ING5: variants seen among roughly 807,000 people sequenced by gnomAD.
ING5 encodes the protein inhibitor of growth family member 5.
In ING5, 17 loss-of-function variants were observed where a neutral mutation model predicts 37.4. That is an observed-to-expected ratio of 0.45 (90% CI 0.31 to 0.68). ING5 has a LOEUF of 0.68. Ranked by LOEUF, ING5 falls within the 30% of genes least tolerant of loss-of-function variation. The pLI is 0.05. For missense variants in ING5, 233 were observed against 311.9 expected, an observed-to-expected ratio of 0.75 and a Z score of 1.91; for synonymous variants, 123 against 116.6, an observed-to-expected ratio of 1.06 and a Z score of -0.36.
intron 5 of ING5, chr2:241,720,244 T>C (rs1211030518): frequency 4.0e-5 from 49 of 1,231,240 alleles, no homozygotes; most frequent in Non-Finnish European, 4.9e-5. Context: ...TGGAGTTCTG[T>C]GGTGCGCGTC....
At position 241,728,515 on chromosome 2, in the gene ING5, C is replaced by A. The variant is rs991903134; in HGVS notation, c.*3484C>A. 2 of 152,722 alleles carry A rather than the reference C, an allele frequency of 1.3e-5. No individual in the cohort carries two copies. Among genetic ancestry groups the A allele is most frequent in the Admixed American group, 1.3e-4 (2 of 15,282 alleles). The allele number at this position is 152,722 out of a possible 1,614,324, so 9.5% of individuals were successfully genotyped here. A position where few individuals can be genotyped will look rare whatever the true frequency, so the allele number is the denominator to read the frequency against. On this transcript the variant is annotated 3_prime_UTR_variant, in exon 8 of 8. Transcript: ENST00000313552. ...TTGTTTTCAGTGCTGCGGTATCAGT[C>A]AGTGATCTGAGGAAATCCTGTAGGG...
upstream of ING5, among the ~76,000 whole-genome samples, chr2:241,700,701 A>G (rs923848756): frequency 7.9e-5 from 12 of 151,790 alleles, no homozygotes; most frequent in African/African-American, 2.9e-4. Context: ...ATCTCTTCTC[A>G]CTGCAACCTC....
At position 241,725,049 on chromosome 2, in the gene ING5, G is replaced by T. The variant is rs772860880; in HGVS notation, c.*18G>T. On this transcript the variant is annotated 3_prime_UTR_variant, in exon 8 of 8. Coordinates refer to ENST00000313552, the MANE Select transcript of ING5 (RefSeq NM_032329.6). The stretch of plus-strand genomic sequence containing the variant: ...AGAAGTAGGAGGAGCTGTGTGCCCG[G>T]ATCCGAGGAGCAAGTTAATCTGTCC... 1 of 1,613,126 alleles carries T rather than the reference G, an allele frequency of 6.2e-7. No homozygotes were observed. The highest frequency in any genetic ancestry group is 8.5e-7 in the Non-Finnish European group (1 of 1,179,202).
At position 241,722,434 on chromosome 2, in the gene ING5, C is replaced by A. The variant is rs1445300291; in HGVS notation, c.483-505C>A. ...TGTGGGTGAGTGCTGCGCTTCACGG[C>A]CTCCTGGGGGCCCTCTGTGCCCCCA... On this transcript the variant is annotated intron_variant, in intron 5 of 7. Transcript: ENST00000313552. 7.1e-6 allele frequency: 7 copies of A among 985,378 alleles called. No homozygotes were observed. In the East Asian group the frequency reaches 8.0e-4, roughly 112 times the overall value. The allele number at this position is 985,378 out of a possible 1,614,324, so 61.0% of individuals were successfully genotyped here.
chr2:241,702,037 G>C, upstream of ING5: 2 of 1,363,644 alleles, frequency 1.5e-6, no homozygotes, highest in South Asian at 1.6e-5. Context: ...GCCCGCCCGC[G>C]CAGACCCCGA....
intron 5 of ING5, chr2:241,722,039 C>T: frequency 1.0e-6 from 1 of 985,336 alleles, no homozygotes; most frequent in Non-Finnish European, 1.2e-6. Flanking sequence ...GGTGGGCGGT[C>T]CAGGGAGTGT....
At chr2:241,690,407 G>A (rs1238014973) in exon 2 of ING5, 3 of 389,142 alleles carry the variant, frequency 7.7e-6, no homozygotes, top group Non-Finnish European at 1.4e-5. Context: ...AGCTGCTCCC[G>A]TGACTCAGTG....
intron 4 of ING5, among the ~76,000 whole-genome samples, 153 bp from the exon 5 acceptor site, chr2:241,711,825 C>T (rs562907950): frequency 2.3e-3 from 349 of 152,198 alleles, no homozygotes; most frequent in African/African-American, 7.9e-3. Context: ...TGCTTGAGCC[C>T]GGGAGGTCAA....
intron 5 of ING5, chr2:241,722,337 G>A: frequency 1.0e-6 from 1 of 985,400 alleles, no homozygotes; most frequent in Non-Finnish European, 1.2e-6. Context: ...GGTCCCCGGG[G>A]GAGTCCTGTC....
At position 241,689,019 on chromosome 2, in the gene ING5, T is replaced by C. The variant is rs191329735; in HGVS notation, c.-773-819T>C. Among the ~76,000 whole-genome samples the C allele has an allele frequency of 4.5e-3, 688 of 152,240 alleles. 5 individuals carry two copies. Among genetic ancestry groups the C allele is most frequent in the African/African-American group, 0.016 (654 of 41,542 alleles). On this transcript the variant is annotated intron_variant, in intron 1 of 7. Transcript: ENST00000636051. ...GGTTTCACCGTGTTAGCCAGGATGG[T>C]CTCGATCTCCTGACCTCATGATCCG...
chr2:241,696,174 G>A (rs562724438), intron 2 of ING5, among the ~76,000 whole-genome samples: 9 of 151,918 alleles, frequency 5.9e-5, no homozygotes, highest in African/African-American at 1.4e-4. Context: ...GGCAGATCAC[G>A]AGGTGAGGAG....
At chr2:241,716,416 C>T (rs550846523) in intron 5 of ING5, among the ~76,000 whole-genome samples, 1 of 149,348 alleles carries the variant, frequency 6.7e-6, no homozygotes, top group Non-Finnish European at 1.5e-5. Context: ...CCTCAGCCTC[C>T]GCAGTAGCTG....
At position 241,728,537 on chromosome 2, in the gene ING5, A is replaced by C. The variant is rs1691709174; in HGVS notation, c.*3506A>C. 6.5e-6 allele frequency: 1 copy of C among 152,684 alleles called. No homozygotes were observed. The highest frequency in any genetic ancestry group is 1.5e-5 in the Non-Finnish European group (1 of 68,064). 9.5% of individuals were successfully genotyped at this position (152,684 alleles called of 1,614,324 possible). On this transcript the variant is annotated 3_prime_UTR_variant, in exon 8 of 8. Coordinates refer to ENST00000313552, the MANE Select transcript of ING5 (RefSeq NM_032329.6). Reference sequence around the variant, plus strand: ...AGTCAGTGATCTGAGGAAATCCTGTAGGGGAAGGCAGGCTGCAGTGAAAAC... The same window carrying C: ...AGTCAGTGATCTGAGGAAATCCTGTCGGGGAAGGCAGGCTGCAGTGAAAAC...
intron 5 of ING5, chr2:241,720,178 G>A: frequency 9.7e-6 from 12 of 1,235,054 alleles, no homozygotes; most frequent in Non-Finnish European, 1.2e-5. Flanking sequence ...GTGCACTCGG[G>A]TGCCTCCAAG....
chr2:241,710,907 C>G (rs1192159363), intron 3 of ING5, among the ~76,000 whole-genome samples: 1 of 151,972 alleles, frequency 6.6e-6, no homozygotes, highest in Non-Finnish European at 1.5e-5. Flanking sequence ...GCCACCGCGC[C>G]TGCCCTAATT....
intron 2 of ING5, among the ~76,000 whole-genome samples, chr2:241,695,202 C>A (rs2069614505): frequency 6.6e-6 from 1 of 151,794 alleles, no homozygotes; most frequent in African/African-American, 2.4e-5. Context: ...GCTTCCACCC[C>A]AGCCTCCTGG....
chr2:241,722,818 G>A lies in ING5; in HGVS notation c.483-121G>A, dbSNP rs551105588. The A allele has an allele frequency of 1.3e-5, 20 of 1,530,584 alleles. No homozygotes were observed. In the African/African-American group the frequency reaches 2.7e-4, roughly 21 times the overall value. The allele number at this position is 1,530,584 out of a possible 1,614,324, so 94.8% of individuals were successfully genotyped here. A position where few individuals can be genotyped will look rare whatever the true frequency, so the allele number is the denominator to read the frequency against. On this transcript the variant is annotated intron_variant, in intron 5 of 7. Transcript: ENST00000313552. ...ACGGTACCAATTTCCCCCTTGGAAT[G>A]ATTGTCTTCACAGTTTTGGGGTGAG...
chr2:241,708,693 C>A (rs559711736), intron 2 of ING5, among the ~76,000 whole-genome samples: 14 of 152,240 alleles, frequency 9.2e-5, no homozygotes, highest in African/African-American at 3.4e-4. Context: ...GAGTAGCACT[C>A]TGTTGTCTGA....
chr2:241,692,924 T>C (rs2069575968), intron 2 of ING5, among the ~76,000 whole-genome samples: 1 of 152,126 alleles, frequency 6.6e-6, no homozygotes, highest in South Asian at 2.1e-4. Flanking sequence ...AGCAGACACA[T>C]GAAAACTGTT....
Sources: gnomAD v4.1 joint callset for allele counts (sites outside exome capture counted in the v4.1 genomes callset) on GRCh38, gnomAD v4.1.1 for gene constraint, MANE v1.5 for transcripts, NCBI Gene and HGNC (gene_info 2026-07-23, HGNC 2026-07-21) for gene names.